DTNBP1: variants seen among roughly 807,000 people sequenced by gnomAD.
DTNBP1 encodes the protein dystrobrevin binding protein 1.
In DTNBP1, 35 loss-of-function variants were observed where a neutral mutation model predicts 42.8. The observed-to-expected ratio is 0.82, with a 90% confidence interval of 0.63 to 1.09. The LOEUF (loss-of-function observed/expected upper bound fraction) is 1.09, where lower values mean the gene tolerates loss of function less well. Ranked by LOEUF, DTNBP1 falls within the 50% of genes least tolerant of loss-of-function variation. DTNBP1 has a pLI of 0.00. For missense variants in DTNBP1, 457 were observed against 424.2 expected (o/e 1.08, Z -0.68); for synonymous variants, 171 against 162.2 (o/e 1.05, Z -0.41).
intron 6 of DTNBP1, among the ~76,000 whole-genome samples, chr6:15,605,479 A>G (rs1467020750): frequency 6.6e-6 from 1 of 152,160 alleles, no homozygotes; most frequent in Non-Finnish European, 1.5e-5. Flanking sequence ...ACCCTAGCTG[A>G]AGCAGTCCTC....
At chr6:15,660,641 A>G in intron 1 of DTNBP1, 2 of 888,470 alleles carry the variant, frequency 2.3e-6, no homozygotes, top group South Asian at 3.0e-5. Flanking sequence ...GGTTCTAACT[A>G]GATCCCTTTG....
At chr6:15,586,621 C>G (rs997553327) in intron 7 of DTNBP1, among the ~76,000 whole-genome samples, 1 of 151,580 alleles carries the variant, frequency 6.6e-6, no homozygotes, top group Non-Finnish European at 1.5e-5. Flanking sequence ...AGCATTGTCT[C>G]TACTCCCTCA....
At chr6:15,625,643 AAAT>A (rs1759296774) in intron 5 of DTNBP1, among the ~76,000 whole-genome samples, 1 of 152,246 alleles carries the variant, frequency 6.6e-6, no homozygotes, top group Non-Finnish European at 1.5e-5. Flanking sequence ...TTGACTATGA[AAAT>A]AATGAGAACT....
At chr6:15,606,464 C>T (rs901172840) in intron 6 of DTNBP1, among the ~76,000 whole-genome samples, 2 of 152,156 alleles carry the variant, frequency 1.3e-5, no homozygotes, top group African/African-American at 4.8e-5. Flanking sequence ...GGTTCTGATG[C>T]TGGCCCCTAA....
chr6:15,652,218 G>T (rs908741670), intron 1 of DTNBP1, 78 bp from the exon 2 acceptor site: 1 of 1,232,774 alleles, frequency 8.1e-7, no homozygotes, highest in African/African-American at 1.5e-5. Flanking sequence ...GTCTCACTCT[G>T]TCGTCCAGGC....
intron 7 of DTNBP1, among the ~76,000 whole-genome samples, chr6:15,553,594 CTTT>C (rs56173414): frequency 1.4e-5 from 1 of 72,952 alleles, no homozygotes; most frequent in Non-Finnish European, 2.4e-5. Flanking sequence ...GACAAGTGAG[CTTT>C]TTTTTTTTTG....
intron 8 of DTNBP1, 58 bp downstream of exon 8, chr6:15,533,182 C>T: frequency 6.2e-7 from 1 of 1,606,210 alleles, no homozygotes; most frequent in Non-Finnish European, 8.5e-7. Context: ...GAGAGGGGTC[C>T]ATCGCCACCC....
chr6:15,661,141 A>T (rs975380193), intron 1 of DTNBP1, among the ~76,000 whole-genome samples: 1 of 152,238 alleles, frequency 6.6e-6, no homozygotes, highest in Non-Finnish European at 1.5e-5. Context: ...TGCAAATAGT[A>T]TTAACATTTT....
intron 6 of DTNBP1, among the ~76,000 whole-genome samples, chr6:15,593,630 ATT>A (rs1561980117): frequency 6.6e-6 from 1 of 152,214 alleles, no homozygotes; most frequent in Non-Finnish European, 1.5e-5. Flanking sequence ...CTGGTTTATT[ATT>A]TTGTCAATAT....
At chr6:15,524,442 G>A (rs1347082686) in intron 9 of DTNBP1, 84 bp downstream of exon 9, 2 of 1,614,128 alleles carry the variant, frequency 1.2e-6, no homozygotes, top group Non-Finnish European at 1.7e-6. Flanking sequence ...TAAGTGACTG[G>A]CAGATGGTTC....
intron 7 of DTNBP1, among the ~76,000 whole-genome samples, chr6:15,542,781 T>TC (rs1773652030): frequency 6.6e-6 from 1 of 152,112 alleles, no homozygotes; most frequent in African/African-American, 2.4e-5. Flanking sequence ...AACCTCCACC[T>TC]CCTGGGTTTA....
At position 15,524,148 on chromosome 6, in the gene DTNBP1, A is replaced by AC. The variant is rs1308442484; in HGVS notation, c.811+377dup. The AC allele has an allele frequency of 4.3e-6, 6 of 1,400,478 alleles. No homozygotes were observed. In the East Asian group the frequency reaches 1.8e-4, roughly 42 times the overall value. The allele number at this position is 1,400,478 out of a possible 1,614,324, so 86.8% of individuals were successfully genotyped here. A position where few individuals can be genotyped will look rare whatever the true frequency, so the allele number is the denominator to read the frequency against. ...AGGCACGCCCCTAAATGCCTGTCGC[A>AC]CGAAGAGGGAAGAGTTTCCCGTGAG... On this transcript the variant is annotated intron_variant, in intron 9 of 9. Transcript: ENST00000344537.
rs901024468 is a variant in DTNBP1 at position 15,524,382 on chromosome 6, C to A, written c.811+144G>T. 24 of 1,613,792 alleles carry A rather than the reference C, an allele frequency of 1.5e-5. No individual in the cohort carries two copies. The African/African-American group carries it at 3.1e-4, about 21-fold the overall frequency. ...GCAGCTGCCACACAGCCGTGTGGAACCGTGGGGTTAGGGAGCCAGGAGCTG... is the reference window on the plus strand; with the variant it reads ...GCAGCTGCCACACAGCCGTGTGGAAACGTGGGGTTAGGGAGCCAGGAGCTG... On this transcript the variant is annotated intron_variant, in intron 9 of 9. Coordinates refer to ENST00000344537, the MANE Select transcript of DTNBP1 (RefSeq NM_032122.5).
chr6:15,642,096 C>CTACTGA (rs1281267452), intron 3 of DTNBP1, among the ~76,000 whole-genome samples: 28 of 152,072 alleles, frequency 1.8e-4, no homozygotes, highest in Admixed American at 1.6e-3. Context: ...CTGCACAGCT[C>CTACTGA]AAGCTTTCAG....
intron 3 of DTNBP1, among the ~76,000 whole-genome samples, chr6:15,643,871 G>A (rs1027258569): frequency 3.9e-5 from 6 of 152,010 alleles, no homozygotes; most frequent in East Asian, 1.9e-4. Context: ...TAAAGCAATC[G>A]CACAATAAAG....
chr6:15,642,947 A>G (rs1421335925), intron 3 of DTNBP1, among the ~76,000 whole-genome samples: 2 of 152,248 alleles, frequency 1.3e-5, no homozygotes, highest in East Asian at 1.9e-4. Flanking sequence ...TTAGCTCTCT[A>G]GCAATGGATC....
chr6:15,590,356 T>C (rs1489109885), intron 7 of DTNBP1, among the ~76,000 whole-genome samples: 1 of 152,210 alleles, frequency 6.6e-6, no homozygotes, highest in East Asian at 1.9e-4. Context: ...CTTCTCTGCA[T>C]TACTTATATT....
At chr6:15,547,938 A>T (rs1190794232) in intron 7 of DTNBP1, among the ~76,000 whole-genome samples, 2 of 152,268 alleles carry the variant, frequency 1.3e-5, no homozygotes, top group African/African-American at 4.8e-5. Context: ...GCTAATAGAC[A>T]AAACTCTGGC....
intron 8 of DTNBP1, 82 bp from the exon 9 acceptor site, chr6:15,524,751 C>T: frequency 4.5e-6 from 7 of 1,568,878 alleles, no homozygotes; most frequent in Non-Finnish European, 6.0e-6. Context: ...ATTAGGCTAA[C>T]TACATTGCAT....
Sources: gnomAD v4.1 joint callset for allele counts (sites outside exome capture counted in the v4.1 genomes callset) on GRCh38, gnomAD v4.1.1 for gene constraint, MANE v1.5 for transcripts, NCBI Gene and HGNC (gene_info 2026-07-23, HGNC 2026-07-21) for gene names.